The following PRTFDC1 variants were observed in gnomAD, a reference collection of about 807,000 sequenced individuals.
PRTFDC1 encodes phosphoribosyl transferase domain containing 1.
A neutral mutation model predicts 34.6 loss-of-function variants in PRTFDC1; 38 were observed. The observed-to-expected ratio is 1.10, with a 90% CI of 0.85 to 1.44. The LOEUF (loss-of-function observed/expected upper bound fraction) is 1.44. Ranked by LOEUF, PRTFDC1 falls within the 40% of genes most tolerant of loss-of-function variation. The probability of loss-of-function intolerance (pLI) is 0.00; values close to 1 mark genes in which losing one functional copy is unlikely to be tolerated. For synonymous variants in PRTFDC1, 93 were observed against 98.1 expected (o/e 0.95, Z 0.31); for missense variants, 270 against 283.0 (o/e 0.95, Z 0.33).
intron 6 of PRTFDC1, 21 bp downstream of exon 6, chr10:24,856,892 T>G: frequency 6.3e-7 from 1 of 1,576,462 alleles, no homozygotes; most frequent in Non-Finnish European, 8.7e-7. Flanking sequence ...GAAATCACCA[T>G]GCTATGAATG....
chr10:24,852,399 C>T (rs1359562047), intron 7 of PRTFDC1, among the ~76,000 whole-genome samples: 7 of 152,104 alleles, frequency 4.6e-5, no homozygotes, highest in African/African-American at 7.2e-5. Context: ...GTGATCCATC[C>T]GCCTCAGTCT....
intron 3 of PRTFDC1, among the ~76,000 whole-genome samples, chr10:24,888,537 C>T (rs949083307): frequency 6.6e-6 from 1 of 152,230 alleles, no homozygotes; most frequent in Non-Finnish European, 1.5e-5. Context: ...CCAGACCTGG[C>T]ACCGAGTGTC....
chr10:24,951,872 T>A (rs1849350495), intron 1 of PRTFDC1, among the ~76,000 whole-genome samples: 1 of 152,098 alleles, frequency 6.6e-6, no homozygotes, highest in South Asian at 2.1e-4. Context: ...CCGGACACAC[T>A]GCTAGATATT....
chr10:24,926,367 A>C (rs933110839), intron 3 of PRTFDC1, among the ~76,000 whole-genome samples: 2 of 152,216 alleles, frequency 1.3e-5, no homozygotes, highest in Non-Finnish European at 2.9e-5. Context: ...GGAGTTCTGA[A>C]GGCTGTGATC....
intron 3 of PRTFDC1, among the ~76,000 whole-genome samples, chr10:24,930,045 C>A (rs1848946993): frequency 6.6e-6 from 1 of 151,542 alleles, no homozygotes. Flanking sequence ...TGGAGCGAGA[C>A]CCTGCCTCTA....
intron 1 of PRTFDC1, among the ~76,000 whole-genome samples, chr10:24,948,029 G>C (rs888523109): frequency 1.3e-5 from 2 of 152,078 alleles, no homozygotes; most frequent in Admixed American, 1.3e-4. Flanking sequence ...CCTCTTCTGT[G>C]GTGGGTTTGC....
intron 8 of PRTFDC1, among the ~76,000 whole-genome samples, 189 bp downstream of exon 8, chr10:24,851,199 T>C (rs1306724349): frequency 2.0e-5 from 3 of 152,210 alleles, no homozygotes; most frequent in African/African-American, 7.2e-5. Context: ...TTTGCCTCTA[T>C]CATCCTGATA....
chr10:24,943,998 G>C (rs1849212705), intron 1 of PRTFDC1, among the ~76,000 whole-genome samples: 1 of 152,122 alleles, frequency 6.6e-6, no homozygotes, highest in South Asian at 2.1e-4. Flanking sequence ...ATGGTTTGCA[G>C]TCAAGTCAGG....
At chr10:24,908,707 A>T (rs2132564441) in intron 3 of PRTFDC1, 2 of 1,566,674 alleles carry the variant, frequency 1.3e-6, no homozygotes, top group East Asian at 4.7e-5. Context: ...ACACACATGG[A>T]GCAGTGAGGG....
intron 3 of PRTFDC1, among the ~76,000 whole-genome samples, chr10:24,928,933 G>C (rs910600964): frequency 1.3e-5 from 2 of 151,286 alleles, no homozygotes; most frequent in Non-Finnish European, 2.9e-5. Context: ...CCAGCTATTC[G>C]GGAGGCTGAG....
chr10:24,872,806 A>ATTT (rs66588467), intron 3 of PRTFDC1, among the ~76,000 whole-genome samples: 9 of 117,606 alleles, frequency 7.7e-5, no homozygotes, highest in Admixed American at 3.1e-4. Flanking sequence ...ATATATATAT[A>ATTT]TTTTTTTTTT....
At chr10:24,871,507 A>G (rs1847866391) in intron 4 of PRTFDC1, among the ~76,000 whole-genome samples, 1 of 152,190 alleles carries the variant, frequency 6.6e-6, no homozygotes, top group African/African-American at 2.4e-5. Context: ...AATAGTTTAC[A>G]TTGTTTTTAA....
intron 2 of PRTFDC1, among the ~76,000 whole-genome samples, chr10:24,939,349 A>G (rs1386384487): frequency 6.6e-6 from 1 of 152,006 alleles, no homozygotes; most frequent in South Asian, 2.1e-4. Context: ...GAAGACAAAA[A>G]AGGAAACAAC....
intron 3 of PRTFDC1, among the ~76,000 whole-genome samples, chr10:24,905,758 G>T (rs1406485003): frequency 2.0e-5 from 3 of 151,998 alleles, no homozygotes. Flanking sequence ...TTTATCAACT[G>T]TATTCCATCA....
At chr10:24,931,296 T>C (rs1171702620) in intron 3 of PRTFDC1, among the ~76,000 whole-genome samples, 2 of 151,814 alleles carry the variant, frequency 1.3e-5, no homozygotes, top group East Asian at 3.9e-4. Flanking sequence ...AAATCTCAAA[T>C]CTATGAACTC....
At chr10:24,928,553 A>G (rs979410012) in intron 3 of PRTFDC1, among the ~76,000 whole-genome samples, 1 of 151,882 alleles carries the variant, frequency 6.6e-6, no homozygotes, top group Non-Finnish European at 1.5e-5. Context: ...AAGTGATTCT[A>G]TTGCCTCAGC....
intron 3 of PRTFDC1, among the ~76,000 whole-genome samples, chr10:24,896,548 A>C (rs1848367649): frequency 6.6e-6 from 1 of 152,228 alleles, no homozygotes; most frequent in Admixed American, 6.5e-5. Context: ...AACTGCTGAC[A>C]GTGCCATGCT....
intron 3 of PRTFDC1, among the ~76,000 whole-genome samples, chr10:24,902,405 A>C (rs1023780543): frequency 1.3e-5 from 2 of 152,176 alleles, no homozygotes; most frequent in Non-Finnish European, 2.9e-5. Context: ...ATCATCTTGA[A>C]AAGGTGCATG....
chr10:24,926,395 T>G (rs1160772808), intron 3 of PRTFDC1, among the ~76,000 whole-genome samples: 1 of 152,246 alleles, frequency 6.6e-6, no homozygotes, highest in Non-Finnish European at 1.5e-5. Flanking sequence ...CATCTTTTTT[T>G]GAGACGGAGT....
Sources: allele counts gnomAD v4.1 joint callset (sites outside exome capture counted in the v4.1 genomes callset), GRCh38; gene constraint gnomAD v4.1.1; transcripts MANE v1.5; gene names NCBI Gene and HGNC (gene_info 2026-07-23, HGNC 2026-07-21).